CSNK1D: variants seen among roughly 807,000 people sequenced by gnomAD.
CSNK1D encodes the protein casein kinase I isoform delta.
A neutral mutation model predicts 46.6 loss-of-function variants in CSNK1D; 16 were observed. That is an observed-to-expected ratio of 0.34 (90% confidence interval 0.23 to 0.52). The LOEUF (loss-of-function observed/expected upper bound fraction) is 0.52. CSNK1D is among the 20% of genes least tolerant of loss of function. CSNK1D has a pLI of 0.95. For missense variants in CSNK1D, 398 were observed against 578.4 expected (o/e 0.69, Z 3.20); for synonymous variants, 276 against 228.2 (o/e 1.21, Z -1.89).
chr17:82,239,710 T>C, downstream of CSNK1D: 2 of 364,558 alleles, frequency 5.5e-6, no homozygotes, highest in East Asian at 8.0e-5. Flanking sequence ...CCCTACGTGG[T>C]GGTTAGATGG....
rs2051689751 is a variant in CSNK1D, at chr17:82,273,358, C to T, written c.24G>A (p.Arg8=). 3 of 1,611,152 alleles carry T rather than the reference C, an allele frequency of 1.9e-6. No individual in the cohort carries two copies. The South Asian group carries it at 3.3e-5, about 18-fold the overall frequency. Residue 8 remains arginine, a synonymous_variant, in exon 1 of 9, where the codon AGG becomes AGA. Coordinates refer to ENST00000314028, the MANE Select transcript of CSNK1D (RefSeq NM_001893.6). This position sits in a 1 kb window ranked among gnomAD's most constrained non-coding sequence, Gnocchi z 5.1. The stretch of plus-strand genomic sequence containing the variant: ...TGCCGATCTTCCGGCCCAGCCGGTA[C>T]CTGTTCCCGACTCTCAGCTCCATGG... MELRVGN[R]YRLGRKIGSG...
downstream of CSNK1D, among the ~76,000 whole-genome samples, chr17:82,240,822 G>A (rs2050732405): frequency 6.6e-6 from 1 of 152,162 alleles, no homozygotes; most frequent in South Asian, 2.1e-4. Context: ...TCCCTGTGCC[G>A]CAGGGTGGGC....
At chr17:82,260,227 G>A (rs531836624) in intron 2 of CSNK1D, among the ~76,000 whole-genome samples, 1 of 148,506 alleles carries the variant, frequency 6.7e-6, no homozygotes, top group African/African-American at 2.6e-5. Context: ...GACTGATGGT[G>A]TACTGAGTGA....
Position 82,250,842 on chromosome 17 carries a change from T to C in CSNK1D, c.885+537A>G, listed in dbSNP as rs555309238. The C allele has an allele frequency of 5.7e-6, 1 of 174,352 alleles. No individual in the cohort carries two copies. Among genetic ancestry groups the C allele is most frequent in the African/African-American group, 2.4e-5 (1 of 41,946 alleles). The allele number at this position is 174,352 out of a possible 1,614,324, so 10.8% of individuals were successfully genotyped here. On this transcript the variant is annotated intron_variant, in intron 6 of 8. Coordinates refer to ENST00000314028, the MANE Select transcript of CSNK1D (RefSeq NM_001893.6). The surrounding 1 kb of genome is among the most constrained non-coding windows in gnomAD (Gnocchi z 4.6). ...ACAGGAGCTTCATTTCTGACAGCGG[T>C]GTCTGAAAAGTAATTCAGCTCAGAC...
Position 82,249,067 on chromosome 17 carries a change from TC to T in CSNK1D, c.1058-54del, listed in dbSNP as rs2050928411. 6.5e-7 allele frequency: 1 copy of T among 1,537,534 alleles called. No homozygotes were observed. On this transcript the variant is annotated intron_variant, in intron 7 of 8. Coordinates refer to ENST00000314028, the MANE Select transcript of CSNK1D (RefSeq NM_001893.6). This position sits in a 1 kb window ranked among gnomAD's most constrained non-coding sequence, Gnocchi z 6.7. ...GCCGCCCCCGTCTGCTGCCTCTCAC[TC>T]GGGGCTTTCTATGAGAGGCTGTGGC...
chr17:82,273,182 C>A lies in CSNK1D; in HGVS notation c.76+124G>T. 9.8e-7 allele frequency: 1 copy of A among 1,016,156 alleles called. No individual in the cohort carries two copies. The highest frequency in any genetic ancestry group is 1.5e-5 in the South Asian group (1 of 66,416). 62.9% of individuals were successfully genotyped at this position (1,016,156 alleles called of 1,614,324 possible). A position where few individuals can be genotyped will look rare whatever the true frequency, so the allele number is the denominator to read the frequency against. ...TGGCCGTTGGGTTCTGGCCACGATC[C>A]GGCGGTGCCGGGACTTGCGCGGAGA... On this transcript the variant is annotated intron_variant, in intron 1 of 8. Coordinates refer to ENST00000314028, the MANE Select transcript of CSNK1D (RefSeq NM_001893.6). This position sits in a 1 kb window ranked among gnomAD's most constrained non-coding sequence, Gnocchi z 5.1.
Position 82,273,561 on chromosome 17 carries a change from G to A in CSNK1D, c.-180C>T. The A allele has an allele frequency of 1.4e-6, 1 of 728,800 alleles. No individual in the cohort carries two copies. The highest frequency in any genetic ancestry group is 2.2e-6 in the Non-Finnish European group (1 of 452,992). The allele number at this position is 728,800 out of a possible 1,614,324, so 45.1% of individuals were successfully genotyped here. On this transcript the variant is annotated 5_prime_UTR_variant, in exon 1 of 9. Coordinates refer to ENST00000314028, the MANE Select transcript of CSNK1D (RefSeq NM_001893.6). The surrounding 1 kb of genome is among the most constrained non-coding windows in gnomAD (Gnocchi z 5.1). ...GCTCCCAGCGCCTCAATACGGGGCG[G>A]ATGGGACAGTCCGAGCGCCGCCGCC...
chr17:82,257,649 G>C (rs1016233791), intron 2 of CSNK1D, among the ~76,000 whole-genome samples: 1 of 152,034 alleles, frequency 6.6e-6, no homozygotes, highest in African/African-American at 2.4e-5. Flanking sequence ...AGCCGTGAGA[G>C]GGCGCCCTGG....
chr17:82,260,107 G>A (rs2051288787), intron 2 of CSNK1D, among the ~76,000 whole-genome samples: 1 of 149,426 alleles, frequency 6.7e-6, no homozygotes, highest in South Asian at 2.1e-4. Flanking sequence ...ATGACTGATG[G>A]TGTACTGACT....
Position 82,243,208 on chromosome 17 carries a change from G to A in CSNK1D, c.*1573C>T. 1 of 985,688 alleles carries A rather than the reference G, an allele frequency of 1.0e-6. No homozygotes were observed. The highest frequency in any genetic ancestry group is 1.2e-6 in the Non-Finnish European group (1 of 830,136). The allele number at this position is 985,688 out of a possible 1,614,324, so 61.1% of individuals were successfully genotyped here. A position where few individuals can be genotyped will look rare whatever the true frequency, so the allele number is the denominator to read the frequency against. On this transcript the variant is annotated 3_prime_UTR_variant, in exon 9 of 9. Transcript: ENST00000314028. ...CCAGCTGGTGGGGGGGTGAACAACTGTGTTCTGGGACGCCAGCCAGTTATG... is the reference window on the plus strand; with the variant it reads ...CCAGCTGGTGGGGGGGTGAACAACTATGTTCTGGGACGCCAGCCAGTTATG...
rs1406032849 is a variant in CSNK1D at position 82,254,285 on chromosome 17, C to T, written c.337-1041G>A. The T allele has an allele frequency of 1.3e-4, 26 of 192,622 alleles. 1 individual carries two copies. The highest frequency in any genetic ancestry group is 8.1e-4 in the South Asian group (21 of 25,922). 11.9% of individuals were successfully genotyped at this position (192,622 alleles called of 1,614,324 possible). ...GGAGCCTCGAGAAGCCAGTGCAGTGCGCTGAGCCGCCGGAGCCTCGAGAAG... is the reference window on the plus strand; with the variant it reads ...GGAGCCTCGAGAAGCCAGTGCAGTGTGCTGAGCCGCCGGAGCCTCGAGAAG... On this transcript the variant is annotated intron_variant, in intron 3 of 8. Coordinates refer to ENST00000314028, the MANE Select transcript of CSNK1D (RefSeq NM_001893.6).
intron 2 of CSNK1D, among the ~76,000 whole-genome samples, chr17:82,259,433 G>A (rs2051267625): frequency 6.6e-6 from 1 of 152,206 alleles, no homozygotes; most frequent in Non-Finnish European, 1.5e-5. Context: ...TGAGGCTGAG[G>A]ATGATGTGGG....
chr17:82,248,536 C>T lies in CSNK1D; in HGVS notation c.1197+339G>A, dbSNP rs1478398151. The T allele has an allele frequency of 3.5e-6, 4 of 1,156,076 alleles. No individual in the cohort carries two copies. Among genetic ancestry groups the T allele is most frequent in the South Asian group, 2.0e-5 (1 of 49,452 alleles). 71.6% of individuals were successfully genotyped at this position (1,156,076 alleles called of 1,614,324 possible). ...CGGGCTGGGGGCACCCACAATGGGG[C>T]GCAAGCAGGCGAGCGGTGTCAGCTG... On this transcript the variant is annotated intron_variant, in intron 8 of 8. Transcript: ENST00000314028. This position sits in a 1 kb window ranked among gnomAD's most constrained non-coding sequence, Gnocchi z 4.1.
In CSNK1D at chr17:82,251,289, C is replaced by A; in HGVS notation, c.885+90G>T. 1 of 1,469,504 alleles carries A rather than the reference C, an allele frequency of 6.8e-7. No individual in the cohort carries two copies. Among genetic ancestry groups the A allele is most frequent in the Non-Finnish European group, 9.5e-7 (1 of 1,055,700 alleles). 91.0% of individuals were successfully genotyped at this position (1,469,504 alleles called of 1,614,324 possible). ...AACCAGAGACACTCCCTATATGGTA[C>A]AGCCCCTCAACAAGACGGCCGCCGG... is the stretch of plus-strand genomic sequence containing the variant. On this transcript the variant is annotated intron_variant, in intron 6 of 8. Coordinates refer to ENST00000314028, the MANE Select transcript of CSNK1D (RefSeq NM_001893.6). This position sits in a 1 kb window ranked among gnomAD's most constrained non-coding sequence, Gnocchi z 4.5.
intron 2 of CSNK1D, among the ~76,000 whole-genome samples, chr17:82,257,543 C>G (rs1568571415): frequency 6.6e-6 from 1 of 152,194 alleles, no homozygotes; most frequent in Non-Finnish European, 1.5e-5. Context: ...AAAACACACA[C>G]CCTCACACAT....
In CSNK1D at chr17:82,244,566, A is replaced by T; in HGVS notation, c.*215T>A. On this transcript the variant is annotated 3_prime_UTR_variant, in exon 9 of 9. Transcript: ENST00000314028. ...TCCCAGCCCCGTTACAACCGAGTTC[A>T]CGTGGGGGGCCGCAGTGCAGCCCCA... 6.7e-7 allele frequency: 1 copy of T among 1,487,242 alleles called. No individual in the cohort carries two copies. Among genetic ancestry groups the T allele is most frequent in the South Asian group, 1.3e-5 (1 of 76,814 alleles). 92.1% of individuals were successfully genotyped at this position (1,487,242 alleles called of 1,614,324 possible). A position where few individuals can be genotyped will look rare whatever the true frequency, so the allele number is the denominator to read the frequency against.
chr17:82,255,614 G>A lies in CSNK1D; in HGVS notation c.188-37C>T. On this transcript the variant is annotated intron_variant, in intron 2 of 8. Coordinates refer to ENST00000314028, the MANE Select transcript of CSNK1D (RefSeq NM_001893.6). The surrounding 1 kb of genome is among the most constrained non-coding windows in gnomAD (Gnocchi z 5.9). ...AATCAGACACAGTGTTTCAGTCCAG[G>A]CCCTGCCTCAGCTCCACACTAAGTC... is the stretch of plus-strand genomic sequence containing the variant. 6.2e-7 allele frequency: 1 copy of A among 1,613,574 alleles called. No homozygotes were observed. The highest frequency in any genetic ancestry group is 8.5e-7 in the Non-Finnish European group (1 of 1,179,640).
In CSNK1D at chr17:82,251,973, G is replaced by A. The variant is rs188270751; in HGVS notation, c.737-446C>T. 22 of 307,392 alleles carry A rather than the reference G, an allele frequency of 7.2e-5. No homozygotes were observed. In the Admixed American group the frequency reaches 7.4e-4, roughly 10 times the overall value. The allele number at this position is 307,392 out of a possible 1,614,324, so 19.0% of individuals were successfully genotyped here. A position where few individuals can be genotyped will look rare whatever the true frequency, so the allele number is the denominator to read the frequency against. On this transcript the variant is annotated intron_variant, in intron 5 of 8. Coordinates refer to ENST00000314028, the MANE Select transcript of CSNK1D (RefSeq NM_001893.6). The surrounding 1 kb of genome is among the most constrained non-coding windows in gnomAD (Gnocchi z 4.5). Reference sequence around the variant, plus strand: ...CACGCCACTGCACTCTAGCCTTGGCGACAGAGTGAGACTGTGTCTTAAAAA... The same window carrying A: ...CACGCCACTGCACTCTAGCCTTGGCAACAGAGTGAGACTGTGTCTTAAAAA...
Position 82,252,878 on chromosome 17 carries a change from C to G in CSNK1D, c.565+138G>C. 1.2e-6 allele frequency: 1 copy of G among 846,526 alleles called. No homozygotes were observed. Among genetic ancestry groups the G allele is most frequent in the Non-Finnish European group, 1.9e-6 (1 of 515,412 alleles). 52.4% of individuals were successfully genotyped at this position (846,526 alleles called of 1,614,324 possible). On this transcript the variant is annotated intron_variant, in intron 4 of 8. Coordinates refer to ENST00000314028, the MANE Select transcript of CSNK1D (RefSeq NM_001893.6). This position sits in a 1 kb window ranked among gnomAD's most constrained non-coding sequence, Gnocchi z 4.6. ...CCTGCCCCCATACACCTGGCAGTCA[C>G]GAGCCAGCCTGTCTGCCGCAAAGGT...
Sources: gnomAD v4.1 joint callset for allele counts (sites outside exome capture counted in the v4.1 genomes callset) on GRCh38, gnomAD v4.1.1 for gene constraint, Gnocchi (gnomAD v3.1) non-coding constraint, MANE v1.5 for transcripts, NCBI Gene and HGNC (gene_info 2026-07-23, HGNC 2026-07-21) for gene names.